Variants in CAMK1D observed in about 807,000 individuals in gnomAD.
CAMK1D encodes the protein calcium/calmodulin dependent protein kinase ID.
In CAMK1D, 9 loss-of-function variants were observed where a neutral mutation model predicts 47.7. That is an observed-to-expected ratio of 0.19 (90% CI 0.11 to 0.33). The LOEUF (loss-of-function observed/expected upper bound fraction) is 0.33, where lower values mean the gene tolerates loss of function less well. Among genes scored for constraint, CAMK1D ranks in the 10% least tolerant of loss-of-function variants. The pLI, the probability that CAMK1D is intolerant of heterozygous loss-of-function variation, is 1.00. For synonymous variants in CAMK1D, 184 were observed against 184.9 expected, an observed-to-expected ratio of 0.99 and a Z score of 0.04; for missense variants, 291 against 488.7, an observed-to-expected ratio of 0.60 and a Z score of 3.81.
chr10:12,818,788 C>T (rs1832906548), intron 8 of CAMK1D, among the ~76,000 whole-genome samples: 4 of 152,172 alleles, frequency 2.6e-5, no homozygotes, highest in African/African-American at 9.6e-5. Context: ...CACCATCACA[C>T]TGGAAGGAGA....
intron 8 of CAMK1D, among the ~76,000 whole-genome samples, chr10:12,820,618 T>G (rs1437532523): frequency 4.6e-5 from 7 of 152,076 alleles, no homozygotes; most frequent in Non-Finnish European, 8.8e-5. Context: ...CTCTTCTGAC[T>G]TCAGCAGGGC....
chr10:12,652,750 TA>T (rs1432488192), intron 2 of CAMK1D, among the ~76,000 whole-genome samples: 2 of 152,230 alleles, frequency 1.3e-5, no homozygotes, highest in Non-Finnish European at 2.9e-5. Context: ...TAGCAGGATA[TA>T]ATAGAACTAT....
chr10:12,686,231 T>C (rs1832657589), intron 3 of CAMK1D, among the ~76,000 whole-genome samples: 1 of 152,218 alleles, frequency 6.6e-6, no homozygotes. Flanking sequence ...TGAGGTTACT[T>C]TGTACGTGTT....
intron 1 of CAMK1D, among the ~76,000 whole-genome samples, chr10:12,395,108 A>G (rs993712102): frequency 8.0e-5 from 10 of 125,668 alleles, no homozygotes; most frequent in African/African-American, 1.9e-4. Flanking sequence ...GTCTCACTCT[A>G]TTGCCCAGGC....
chr10:12,651,986 A>G (rs964158817), intron 2 of CAMK1D, among the ~76,000 whole-genome samples: 10 of 150,692 alleles, frequency 6.6e-5, no homozygotes, highest in African/African-American at 2.4e-4. Context: ...TCACTGTGTT[A>G]GCCAGGATGG....
intron 1 of CAMK1D, among the ~76,000 whole-genome samples, chr10:12,460,371 C>T (rs774651236): frequency 1.3e-5 from 2 of 152,036 alleles, no homozygotes; most frequent in Non-Finnish European, 2.9e-5. Context: ...AGCGATCCTC[C>T]TGCCTCAGTC....
chr10:12,640,992 C>T (rs1839650085), intron 2 of CAMK1D, among the ~76,000 whole-genome samples: 1 of 152,004 alleles, frequency 6.6e-6, no homozygotes, highest in Admixed American at 6.6e-5. Context: ...AGAATCCCAC[C>T]TTGTTGCCCA....
intron 6 of CAMK1D, among the ~76,000 whole-genome samples, chr10:12,800,981 T>C (rs1194378361): frequency 6.6e-6 from 1 of 152,178 alleles, no homozygotes; most frequent in Non-Finnish European, 1.5e-5. Flanking sequence ...TGCATCATTT[T>C]CATGGGTAGA....
intron 2 of CAMK1D, among the ~76,000 whole-genome samples, chr10:12,565,191 A>G (rs1837083223): frequency 6.6e-6 from 1 of 152,064 alleles, no homozygotes; most frequent in Admixed American, 6.6e-5. Flanking sequence ...AGCCTGGGTG[A>G]CAGAGCAAGA....
intron 5 of CAMK1D, among the ~76,000 whole-genome samples, chr10:12,774,060 TG>T (rs966534226): frequency 1.8e-5 from 2 of 109,826 alleles, no homozygotes; most frequent in East Asian, 3.3e-4. Context: ...TTCTGGGCAC[TG>T]GTGCGGGGGG....
intron 4 of CAMK1D, among the ~76,000 whole-genome samples, chr10:12,769,464 C>G (rs146646705): frequency 6.6e-6 from 1 of 152,134 alleles, no homozygotes; most frequent in Non-Finnish European, 1.5e-5. Flanking sequence ...AAGAGACTAA[C>G]GTTGATTGAA....
At chr10:12,672,552 G>T (rs57644525) in intron 3 of CAMK1D, among the ~76,000 whole-genome samples, 1 of 151,562 alleles carries the variant, frequency 6.6e-6, no homozygotes, top group Non-Finnish European at 1.5e-5. Flanking sequence ...TGTATTTTTC[G>T]TAGAGACAGG....
chr10:12,514,401 C>T (rs945882039), intron 1 of CAMK1D, among the ~76,000 whole-genome samples: 11 of 152,180 alleles, frequency 7.2e-5, no homozygotes, highest in Non-Finnish European at 1.3e-4. Context: ...GAGCACTTAC[C>T]ACCACAATGA....
intron 1 of CAMK1D, among the ~76,000 whole-genome samples, chr10:12,475,710 G>A (rs1833881568): frequency 6.6e-6 from 1 of 152,186 alleles, no homozygotes; most frequent in African/African-American, 2.4e-5. Flanking sequence ...CATGGAAGTT[G>A]CTTCCTTCTC....
At chr10:12,723,615 C>A (rs1471812726) in intron 3 of CAMK1D, among the ~76,000 whole-genome samples, 1 of 152,120 alleles carries the variant, frequency 6.6e-6, no homozygotes. Flanking sequence ...GAAAGCAAGA[C>A]CTCCAAGAGG....
At chr10:12,774,288 A>G (rs1344990524) in intron 5 of CAMK1D, among the ~76,000 whole-genome samples, 1 of 107,972 alleles carries the variant, frequency 9.3e-6, no homozygotes, top group Non-Finnish European at 2.2e-5. Context: ...AATTTTAACT[A>G]CAGTGTGCAG....
At chr10:12,499,461 A>G (rs563286426) in intron 1 of CAMK1D, among the ~76,000 whole-genome samples, 128 of 152,352 alleles carry the variant, frequency 8.4e-4, no homozygotes, top group Middle Eastern at 3.4e-3. Context: ...AAGATGTGTC[A>G]GAACCGAAGG....
rs73572279 is a variant in CAMK1D, at chr10:12,616,366, C to G, written c.225-50370C>G. 9.2e-3 allele frequency among the ~76,000 whole-genome samples: 1,402 copies of G among 152,270 alleles called. 19 individuals carry two copies. Among genetic ancestry groups the G allele is most frequent in the African/African-American group, 0.031 (1,306 of 41,546 alleles). On this transcript the variant is annotated intron_variant, in intron 2 of 10. Coordinates refer to ENST00000619168, the MANE Select transcript of CAMK1D (RefSeq NM_153498.4). ...TAGCTAACATTTATCGATGCTACAG[C>G]GAGACAGACTGTTCTAAACCCTTTA...
intron 1 of CAMK1D, among the ~76,000 whole-genome samples, chr10:12,378,891 C>T (rs962101870): frequency 6.6e-6 from 1 of 151,286 alleles, no homozygotes; most frequent in South Asian, 2.1e-4. Context: ...CTCACTGCAA[C>T]CTTCGCCTCC....
Sources: allele counts gnomAD v4.1 joint callset (sites outside exome capture counted in the v4.1 genomes callset), GRCh38; gene constraint gnomAD v4.1.1; transcripts MANE v1.5; gene names NCBI Gene and HGNC (gene_info 2026-07-23, HGNC 2026-07-21).